Variants in FNDC3B observed in about 807,000 individuals in gnomAD.
FNDC3B encodes the protein fibronectin type III domain-containing protein 3B.
FNDC3B carries 12 observed loss-of-function variants against 151.5 expected under a neutral mutation model. The observed-to-expected ratio is 0.08, with a 90% CI of 0.05 to 0.13. FNDC3B has a LOEUF of 0.13. Ranked by LOEUF, FNDC3B falls within the 10% of genes least tolerant of loss-of-function variation. The pLI is 1.00. For synonymous variants in FNDC3B, 528 were observed against 549.0 expected (o/e 0.96, Z 0.54); for missense variants, 1,214 against 1,505.3 (o/e 0.81, Z 3.20).
chr3:172,337,207 G>T, intron 15 of FNDC3B, 123 bp from the exon 16 acceptor site: 9 of 562,072 alleles, frequency 1.6e-5, no homozygotes, highest in South Asian at 3.4e-5. Context: ...AAATTATTTT[G>T]CCTTTTGGTC....
chr3:172,263,092 A>AAT (rs35820918), intron 6 of FNDC3B, among the ~76,000 whole-genome samples: 19,663 of 145,260 alleles, frequency 0.14, 1,337 homozygotes, highest in South Asian at 0.2. Flanking sequence ...AATATATATA[A>AAT]ATATATATAT....
intron 14 of FNDC3B, among the ~76,000 whole-genome samples, chr3:172,333,635 C>T (rs900347725): frequency 2.0e-5 from 3 of 151,926 alleles, no homozygotes; most frequent in Non-Finnish European, 4.4e-5. Context: ...TGAGCCACTG[C>T]GCCTGGCCCA....
At chr3:172,333,894 C>T (rs1014525961) in intron 14 of FNDC3B, among the ~76,000 whole-genome samples, 1 of 152,088 alleles carries the variant, frequency 6.6e-6, no homozygotes, top group Non-Finnish European at 1.5e-5. Context: ...ATGACCCACC[C>T]CCTCCCTACC....
At chr3:172,056,089 G>C (rs983673583) in intron 1 of FNDC3B, among the ~76,000 whole-genome samples, 4 of 151,912 alleles carry the variant, frequency 2.6e-5, no homozygotes, top group Non-Finnish European at 5.9e-5. Flanking sequence ...CCTGTTCCTA[G>C]TATGTTTCAT....
chr3:172,276,974 G>C (rs1729463233), intron 6 of FNDC3B, among the ~76,000 whole-genome samples: 1 of 152,184 alleles, frequency 6.6e-6, no homozygotes, highest in Non-Finnish European at 1.5e-5. Flanking sequence ...ATTTAACATG[G>C]ATTTTAATCT....
chr3:172,291,889 A>G (rs1360419531), intron 7 of FNDC3B, among the ~76,000 whole-genome samples: 1 of 152,148 alleles, frequency 6.6e-6, no homozygotes, highest in Non-Finnish European at 1.5e-5. Context: ...AAGGTCATAT[A>G]TGAGTGTTGT....
At chr3:172,111,097 A>T (rs1385871187) in intron 1 of FNDC3B, among the ~76,000 whole-genome samples, 3 of 112,624 alleles carry the variant, frequency 2.7e-5, no homozygotes, top group African/African-American at 1.5e-4. Context: ...AGACTCCATT[A>T]AAAAAAAAAA....
chr3:172,221,936 T>C lies in FNDC3B; in HGVS notation c.188-4935T>C, dbSNP rs556225767. ...TCTGTTTACCTACTAGCTGTGGCCT[T>C]ATGGCTACTTCTGCCAGCAAGAATT... On this transcript the variant is annotated intron_variant, in intron 3 of 25. Transcript: ENST00000415807. Among the ~76,000 whole-genome samples, 116 of 152,366 alleles carry C rather than the reference T, an allele frequency of 7.6e-4. 1 individual carries two copies. The highest frequency in any genetic ancestry group is 5.0e-3 in the Admixed American group (76 of 15,310).
At chr3:172,392,810 C>CTTTCTTTTTTTTTTTTTTT (rs1491505881) in intron 25 of FNDC3B, among the ~76,000 whole-genome samples, 1 of 99,862 alleles carries the variant, frequency 1.0e-5, no homozygotes, top group Non-Finnish European at 1.9e-5. Context: ...TTTTTTTTTT[C>CTTTCTTTTTTTTTTTTTTT]TTTTTTTTTT....
At chr3:172,243,730 C>G (rs1223112796) in intron 4 of FNDC3B, among the ~76,000 whole-genome samples, 1 of 152,178 alleles carries the variant, frequency 6.6e-6, no homozygotes, top group Non-Finnish European at 1.5e-5. Context: ...TTGTAAATCT[C>G]CTCTTATATA....
chr3:172,126,579 TTC>T (rs1261033576), intron 2 of FNDC3B, among the ~76,000 whole-genome samples: 1 of 152,240 alleles, frequency 6.6e-6, no homozygotes, highest in Non-Finnish European at 1.5e-5. Context: ...TCTGGACAGC[TTC>T]TTTCAACTTT....
chr3:172,345,711 T>G (rs1322218821), intron 19 of FNDC3B, among the ~76,000 whole-genome samples: 5 of 152,176 alleles, frequency 3.3e-5, no homozygotes, highest in African/African-American at 1.2e-4. Context: ...AATGGGTGGT[T>G]CAGGTGGCTG....
intron 7 of FNDC3B, among the ~76,000 whole-genome samples, chr3:172,287,356 G>A (rs1285419286): frequency 2.0e-5 from 3 of 152,116 alleles, no homozygotes; most frequent in Non-Finnish European, 2.9e-5. Context: ...GCGGGCGGTC[G>A]CAAATGTCTG....
chr3:172,297,903 T>G (rs1358883060), intron 8 of FNDC3B, among the ~76,000 whole-genome samples: 1 of 152,278 alleles, frequency 6.6e-6, no homozygotes, highest in Non-Finnish European at 1.5e-5. Context: ...ATGATACTTT[T>G]ATCTGTTGTC....
At chr3:172,092,858 C>T (rs865965750) in intron 1 of FNDC3B, among the ~76,000 whole-genome samples, 4 of 152,246 alleles carry the variant, frequency 2.6e-5, no homozygotes, top group South Asian at 2.1e-4. Flanking sequence ...CAGGCCGGAG[C>T]GCAGTGGCAT....
At chr3:172,148,916 G>A (rs950773591) in intron 3 of FNDC3B, among the ~76,000 whole-genome samples, 2 of 152,190 alleles carry the variant, frequency 1.3e-5, no homozygotes, top group East Asian at 3.8e-4. Flanking sequence ...AAGAACAACA[G>A]GTGCATTCTA....
intron 1 of FNDC3B, among the ~76,000 whole-genome samples, chr3:172,042,869 C>T (rs944035339): frequency 2.1e-5 from 3 of 145,338 alleles, no homozygotes; most frequent in Non-Finnish European, 4.5e-5. Context: ...CTCGCTCTGT[C>T]GCCCAGGCTG....
intron 1 of FNDC3B, among the ~76,000 whole-genome samples, chr3:172,110,969 C>T (rs1442094551): frequency 2.6e-5 from 4 of 151,726 alleles, no homozygotes; most frequent in East Asian, 3.9e-4. Flanking sequence ...CATAGTGGTG[C>T]GTGCCTGTAA....
chr3:172,304,501 G>A (rs1576892107), intron 9 of FNDC3B, among the ~76,000 whole-genome samples: 1 of 152,360 alleles, frequency 6.6e-6, no homozygotes, highest in East Asian at 1.9e-4. Context: ...GTGCTGTGGA[G>A]ACAGTAGGAA....
Sources: gnomAD v4.1 joint callset for allele counts (sites outside exome capture counted in the v4.1 genomes callset) on GRCh38, gnomAD v4.1.1 for gene constraint, MANE v1.5 for transcripts, NCBI Gene and HGNC (gene_info 2026-07-23, HGNC 2026-07-21) for gene names.